ZNF865: variants seen among roughly 807,000 people sequenced by gnomAD.
ZNF865 encodes the protein zinc finger protein 865.
For missense variants in ZNF865, 1,311 were observed against 1,593.4 expected (o/e 0.82, Z 3.02); for synonymous variants, 763 against 750.8 (o/e 1.02, Z -0.27).
Position 55,614,650 on chromosome 19 carries a change from G to C in ZNF865, c.1032G>C (p.Gly344=). 1 of 1,537,994 alleles carries C rather than the reference G, an allele frequency of 6.5e-7. No homozygotes were observed. Among genetic ancestry groups the C allele is most frequent in the South Asian group, 1.2e-5 (1 of 83,986 alleles). ...TTGGGGTGCCCCCTCCTGCCACCGG[G>C]GGTGGCGATGGCCCGTTCGCCTGCC... ...AGVGVPPPAT[G]GGDGPFACPL... is the part of the protein sequence containing the mutation. The change falls in exon 2 of 2, where the codon GGG becomes GGC. Residue 344 remains glycine (G), a synonymous_variant. Coordinates refer to ENST00000568956, the MANE Select transcript of ZNF865 (RefSeq NM_001195605.2). The surrounding 1 kb of genome is among the most constrained non-coding windows in gnomAD (Gnocchi z 8.0).
At chr19:55,606,355 C>T (rs1980940277) in intron 1 of ZNF865, among the ~76,000 whole-genome samples, 1 of 151,094 alleles carries the variant, frequency 6.6e-6, no homozygotes, top group South Asian at 2.1e-4. Flanking sequence ...CTTTCAAAGC[C>T]ACCCCCCCAT....
In ZNF865 at chr19:55,614,397, C is replaced by G. The variant is rs1352563052; in HGVS notation, c.779C>G (p.Thr260Ser). ...TACGAATGCGGCGTCTGCGGCCGCA[C>G]CTACAACCACGTGTCCAGCCTCATC... is the stretch of plus-strand genomic sequence containing the variant. ...RPYECGVCGR[T>S]YNHVSSLIRH... is the part of the protein sequence containing the mutation. The change falls in exon 2 of 2, where the codon ACC becomes AGC. Residue 260 changes from threonine to serine, a missense_variant. By Grantham distance (58) the Thr-to-Ser change is moderately conservative. Transcript: ENST00000568956. The surrounding 1 kb of genome is among the most constrained non-coding windows in gnomAD (Gnocchi z 8.0). 1 of 1,483,018 alleles carries G rather than the reference C, an allele frequency of 6.7e-7. No individual in the cohort carries two copies. Among genetic ancestry groups the G allele is most frequent in the Non-Finnish European group, 8.9e-7 (1 of 1,121,248 alleles). 91.9% of individuals were successfully genotyped at this position (1,483,018 alleles called of 1,614,324 possible).
intron 1 of ZNF865, among the ~76,000 whole-genome samples, chr19:55,609,565 G>A (rs926923782): frequency 4.6e-5 from 7 of 152,188 alleles, no homozygotes; most frequent in Non-Finnish European, 7.3e-5. Flanking sequence ...CCCACAGTCT[G>A]GCATCAGAAA....
intron 1 of ZNF865, chr19:55,613,233 T>G (rs1981201198): frequency 4.7e-6 from 1 of 210,760 alleles, no homozygotes; most frequent in East Asian, 1.1e-4. Context: ...ACCCCGTTTC[T>G]ACAAATAATA....
In ZNF865 at chr19:55,614,817, A is replaced by C; in HGVS notation, c.1199A>C (p.His400Pro). 6.5e-7 allele frequency: 1 copy of C among 1,539,850 alleles called. No homozygotes were observed. Among genetic ancestry groups the C allele is most frequent in the Non-Finnish European group, 8.7e-7 (1 of 1,150,424 alleles). Residue 400 changes from histidine (H) to proline (P), a missense_variant, in exon 2 of 2, where the codon CAC (histidine) becomes CCC (proline). His to Pro is a moderately conservative substitution (Grantham distance 77). Coordinates refer to ENST00000568956, the MANE Select transcript of ZNF865 (RefSeq NM_001195605.2). The surrounding 1 kb of genome is among the most constrained non-coding windows in gnomAD (Gnocchi z 8.0). ...RESLKRHVKT[H>P]SADLLRLPCG... is the part of the protein sequence containing the mutation. ...AGTCTGAAGCGCCACGTGAAGACGCACTCGGCCGACCTCCTGCGCCTGCCC... is the reference window on the plus strand; with the variant it reads ...AGTCTGAAGCGCCACGTGAAGACGCCCTCGGCCGACCTCCTGCGCCTGCCC...
Position 55,615,107 on chromosome 19 carries a change from G to A in ZNF865, c.1489G>A (p.Asp497Asn). The A allele has an allele frequency of 5.2e-6, 2 of 385,824 alleles. No homozygotes were observed. The highest frequency in any genetic ancestry group is 6.4e-5 in the South Asian group (1 of 15,686). The allele number at this position is 385,824 out of a possible 1,614,324, so 23.9% of individuals were successfully genotyped here. The change falls in exon 2 of 2, where the codon GAC becomes AAC. Residue 497 changes from aspartate (D) to asparagine (N), a missense_variant. Asp to Asn is a conservative substitution (Grantham distance 23, BLOSUM62 1). Coordinates refer to ENST00000568956, the MANE Select transcript of ZNF865 (RefSeq NM_001195605.2). ...FPPGPYLLPPDPPTTDSEKAA... is the reference protein window; with the variant it reads ...FPPGPYLLPPNPPTTDSEKAA... ...CCCGGGCCCGTACCTCCTGCCCCCC[G>A]ACCCTCCCACCACAGACAGCGAGAA...
chr19:55,615,182 C>A lies in ZNF865; in HGVS notation c.1564C>A (p.Leu522Ile). ...AVVYGAVPVP[L>I]LGAHPLLLGG... The stretch of plus-strand genomic sequence containing the variant: ...GGTGTACGGCGCTGTGCCCGTCCCG[C>A]TCCTGGGCGCCCACCCGCTGCTGCT... Residue 522 changes from leucine (L) to isoleucine (I), a missense_variant, in exon 2 of 2, where the codon CTC becomes ATC. Leu to Ile is a conservative substitution (Grantham distance 5, BLOSUM62 2). Coordinates refer to ENST00000568956, the MANE Select transcript of ZNF865 (RefSeq NM_001195605.2). 2 of 1,394,398 alleles carry A rather than the reference C, an allele frequency of 1.4e-6. No homozygotes were observed. Among genetic ancestry groups the A allele is most frequent in the Non-Finnish European group, 1.8e-6 (2 of 1,085,508 alleles). 86.4% of individuals were successfully genotyped at this position (1,394,398 alleles called of 1,614,324 possible). A position where few individuals can be genotyped will look rare whatever the true frequency, so the allele number is the denominator to read the frequency against.
chr19:55,609,350 GC>G (rs1285311195), intron 1 of ZNF865, among the ~76,000 whole-genome samples: 1 of 152,058 alleles, frequency 6.6e-6, no homozygotes, highest in Non-Finnish European at 1.5e-5. Flanking sequence ...TATCTCTCTG[GC>G]CCTCAGTCTC....
At chr19:55,606,273 C>A (rs1274511701) in intron 1 of ZNF865, among the ~76,000 whole-genome samples, 1 of 152,196 alleles carries the variant, frequency 6.6e-6, no homozygotes, top group Non-Finnish European at 1.5e-5. Flanking sequence ...AAAATACTTT[C>A]TATTCTGGTC....
Position 55,615,610 on chromosome 19 carries a change from C to T in ZNF865, c.1992C>T (p.Thr664=), listed in dbSNP as rs754954611. Residue 664 remains threonine, a synonymous_variant, in exon 2 of 2, where the codon ACC becomes ACT. Coordinates refer to ENST00000568956, the MANE Select transcript of ZNF865 (RefSeq NM_001195605.2). ...CCTCGGGCACGTCTGCAGGGCCCAC[C>T]GATGGGCTGAGCTACGCCTGCTCGG... ...PGASGTSAGP[T]DGLSYACSDC... 11 of 1,533,452 alleles carry T rather than the reference C, an allele frequency of 7.2e-6. No homozygotes were observed. Among genetic ancestry groups the T allele is most frequent in the Non-Finnish European group, 8.7e-6 (10 of 1,145,910 alleles). 95.0% of individuals were successfully genotyped at this position (1,533,452 alleles called of 1,614,324 possible).
chr19:55,615,525 T>C lies in ZNF865; in HGVS notation c.1907T>C (p.Leu636Pro). 1 of 1,504,340 alleles carries C rather than the reference T, an allele frequency of 6.6e-7. No individual in the cohort carries two copies. Among genetic ancestry groups the C allele is most frequent in the Non-Finnish European group, 8.8e-7 (1 of 1,132,868 alleles). 93.2% of individuals were successfully genotyped at this position (1,504,340 alleles called of 1,614,324 possible). The change falls in exon 2 of 2, where the codon CTG (leucine) becomes CCG (proline). Residue 636 changes from leucine to proline, a missense_variant. Physicochemically the swap from Leu to Pro is moderately conservative, Grantham distance 98 (BLOSUM62 -3). Coordinates refer to ENST00000568956, the MANE Select transcript of ZNF865 (RefSeq NM_001195605.2). ...QVHRLQLPCA[L>P]AGAAGLPSTQ... ...CACCGGCTCCAGCTGCCCTGCGCCC[T>C]GGCCGGGGCAGCCGGCCTCCCCTCC...
Position 55,615,511 on chromosome 19 carries a change from G to C in ZNF865, c.1893G>C (p.Gln631His), listed in dbSNP as rs1199956405. The C allele has an allele frequency of 6.6e-7, 1 of 1,505,986 alleles. No individual in the cohort carries two copies. Among genetic ancestry groups the C allele is most frequent in the Non-Finnish European group, 8.8e-7 (1 of 1,133,174 alleles). The allele number at this position is 1,505,986 out of a possible 1,614,324, so 93.3% of individuals were successfully genotyped here. Reference sequence around the variant, plus strand: ...GCCACCGCCAGGTGCACCGGCTCCAGCTGCCCTGCGCCCTGGCCGGGGCAG... The same window carrying C: ...GCCACCGCCAGGTGCACCGGCTCCACCTGCCCTGCGCCCTGGCCGGGGCAG... The part of the protein sequence containing the change: ...LTRHRQVHRL[Q>H]LPCALAGAAG... The change falls in exon 2 of 2, where the codon CAG becomes CAC. Residue 631 changes from glutamine (Q) to histidine (H), a missense_variant. By Grantham distance (24) the Gln-to-His change is conservative. Transcript: ENST00000568956.
Position 55,615,710 on chromosome 19 carries a change from G to A in ZNF865, c.2092G>A (p.Gly698Ser), listed in dbSNP as rs899460365. Residue 698 changes from glycine to serine, a missense_variant, in exon 2 of 2, where the codon GGC (glycine) becomes AGC (serine). Transcript: ENST00000568956. ...KEVHMAEKPY[G>S]CDACGKTFGF... ...GGTCCACATGGCAGAGAAGCCATAC[G>A]GCTGCGACGCCTGCGGCAAGACCTT... The A allele has an allele frequency of 3.3e-6, 5 of 1,534,030 alleles. No individual in the cohort carries two copies. The highest frequency in any genetic ancestry group is 4.4e-6 in the Non-Finnish European group (5 of 1,146,066).
rs1445812846 is a variant in ZNF865, at chr19:55,614,877, C to T, written c.1259C>T (p.Ser420Phe). ...GICGKAFRDA[S>F]YLLKHQAAHA... is the part of the protein sequence containing the mutation. ...TGCGGGAAGGCCTTCCGCGACGCCT[C>T]CTACCTCCTCAAGCACCAGGCGGCC... Residue 420 changes from serine (S) to phenylalanine (F), a missense_variant, in exon 2 of 2, where the codon TCC becomes TTC. Transcript: ENST00000568956. This position sits in a 1 kb window ranked among gnomAD's most constrained non-coding sequence, Gnocchi z 8.0. The T allele has an allele frequency of 6.6e-7, 1 of 1,511,602 alleles. No individual in the cohort carries two copies. Among genetic ancestry groups the T allele is most frequent in the Non-Finnish European group, 8.8e-7 (1 of 1,133,972 alleles). 93.6% of individuals were successfully genotyped at this position (1,511,602 alleles called of 1,614,324 possible).
At position 55,615,815 on chromosome 19, in the gene ZNF865, G is replaced by A. The variant is rs1317035990; in HGVS notation, c.2197G>A (p.Gly733Ser). ...GCGCCTGCTCCCGCCCGCACCCGGC[G>A]GCCTGCAGCCCCCGGACGGCTCCAG... is the stretch of plus-strand genomic sequence containing the variant. ...PERLLPPAPG[G>S]LQPPDGSSGT... Residue 733 changes from glycine (G) to serine (S), a missense_variant, in exon 2 of 2, where the codon GGC becomes AGC. Transcript: ENST00000568956. The A allele has an allele frequency of 6.6e-7, 1 of 1,509,358 alleles. No homozygotes were observed. The highest frequency in any genetic ancestry group is 8.8e-7 in the Non-Finnish European group (1 of 1,135,216). 93.5% of individuals were successfully genotyped at this position (1,509,358 alleles called of 1,614,324 possible). A position where few individuals can be genotyped will look rare whatever the true frequency, so the allele number is the denominator to read the frequency against.
chr19:55,616,453 C>T lies in ZNF865; in HGVS notation c.2835C>T (p.Ser945=), dbSNP rs796131786. ...GTGGCAAGACCTTCCGCTACCGCTC[C>T]AACCTGCTGGAGCACCAGCGGCTGC... is the stretch of plus-strand genomic sequence containing the variant. ...SACGKTFRYR[S]NLLEHQRLHL... The change falls in exon 2 of 2, where the codon TCC becomes TCT. Residue 945 remains serine, a synonymous_variant. Coordinates refer to ENST00000568956, the MANE Select transcript of ZNF865 (RefSeq NM_001195605.2). 7.2e-6 allele frequency: 11 copies of T among 1,530,488 alleles called. No homozygotes were observed. The African/African-American group carries it at 1.4e-4, about 19-fold the overall frequency. 94.8% of individuals were successfully genotyped at this position (1,530,488 alleles called of 1,614,324 possible). A position where few individuals can be genotyped will look rare whatever the true frequency, so the allele number is the denominator to read the frequency against.
At position 55,611,593 on chromosome 19, in the gene ZNF865, T is replaced by C. The variant is rs954729497; in HGVS notation, c.-26-2000T>C. ...CACCCGGAGCTGGAGACTAAAAATA[T>C]CTCACTCCAGGATGGCGTTTGGGGT... On this transcript the variant is annotated intron_variant, in intron 1 of 1. Transcript: ENST00000568956. The surrounding 1 kb of genome is among the most constrained non-coding windows in gnomAD (Gnocchi z 4.5). 1.3e-5 allele frequency among the ~76,000 whole-genome samples: 2 copies of C among 152,098 alleles called. No individual in the cohort carries two copies. Among genetic ancestry groups the C allele is most frequent in the African/African-American group, 4.8e-5 (2 of 41,410 alleles).
chr19:55,615,097 C>A lies in ZNF865; in HGVS notation c.1479C>A (p.Leu493=). Residue 493 remains leucine, a synonymous_variant, in exon 2 of 2, where the codon CTC becomes CTA. Transcript: ENST00000568956. ...PPPTFPPGPY[L]LPPDPPTTDS... ...CCACCTTCCCCCCGGGCCCGTACCT[C>A]CTGCCCCCCGACCCTCCCACCACAG... 8.3e-7 allele frequency: 1 copy of A among 1,198,306 alleles called. No homozygotes were observed. The highest frequency in any genetic ancestry group is 2.8e-5 in the South Asian group (1 of 36,308). The allele number at this position is 1,198,306 out of a possible 1,614,324, so 74.2% of individuals were successfully genotyped here. A position where few individuals can be genotyped will look rare whatever the true frequency, so the allele number is the denominator to read the frequency against.
In ZNF865 at chr19:55,614,872, C is replaced by A; in HGVS notation, c.1254C>A (p.Asp418Glu). The stretch of plus-strand genomic sequence containing the variant: ...GCATCTGCGGGAAGGCCTTCCGCGA[C>A]GCCTCCTACCTCCTCAAGCACCAGG... ...PCGICGKAFRDASYLLKHQAA... is the reference protein window; with the variant it reads ...PCGICGKAFREASYLLKHQAA... The change falls in exon 2 of 2, where the codon GAC (aspartate) becomes GAA (glutamate). Residue 418 changes from aspartate (D) to glutamate (E), a missense_variant. By Grantham distance (45) the Asp-to-Glu change is conservative. Transcript: ENST00000568956. The surrounding 1 kb of genome is among the most constrained non-coding windows in gnomAD (Gnocchi z 8.0). 1 of 1,512,024 alleles carries A rather than the reference C, an allele frequency of 6.6e-7. No homozygotes were observed. The highest frequency in any genetic ancestry group is 8.8e-7 in the Non-Finnish European group (1 of 1,133,974). 93.7% of individuals were successfully genotyped at this position (1,512,024 alleles called of 1,614,324 possible). A position where few individuals can be genotyped will look rare whatever the true frequency, so the allele number is the denominator to read the frequency against.
Sources: gnomAD v4.1 joint callset for allele counts (sites outside exome capture counted in the v4.1 genomes callset) on GRCh38, gnomAD v4.1.1 for gene constraint, Gnocchi (gnomAD v3.1) non-coding constraint, MANE v1.5 for transcripts, NCBI Gene and HGNC (gene_info 2026-07-23, HGNC 2026-07-21) for gene names.